The following NAALADL2 variants were observed in gnomAD, a reference collection of about 807,000 sequenced individuals.
NAALADL2 encodes the protein inactive N-acetylated-alpha-linked acidic dipeptidase-like protein 2.
Under a neutral mutation model 87.2 loss-of-function variants are expected in NAALADL2, and 76 were observed. The ratio of observed to expected loss-of-function variants is 0.87; its 90% CI spans 0.72 to 1.05. The LOEUF is 1.05. Among genes scored for constraint, NAALADL2 ranks in the 50% least tolerant of loss-of-function variants. NAALADL2 has a pLI of 0.00. For synonymous variants in NAALADL2, 354 were observed against 331.0 expected (o/e 1.07, Z -0.75); for missense variants, 1,089 against 945.8 (o/e 1.15, Z -1.99).
At chr3:175,679,630 T>A (rs189451870) in intron 11 of NAALADL2, among the ~76,000 whole-genome samples, 1 of 152,288 alleles carries the variant, frequency 6.6e-6, no homozygotes, top group Non-Finnish European at 1.5e-5. Context: ...TCTATAGTTC[T>A]TTTTAGCAAT....
At chr3:174,590,581 A>G (rs1021783236) in intron 2 of NAALADL2, among the ~76,000 whole-genome samples, 23 of 152,172 alleles carry the variant, frequency 1.5e-4, no homozygotes, top group Non-Finnish European at 3.4e-4. Context: ...TCAACAAAAC[A>G]CTATCCACAG....
At chr3:175,626,695 C>A (rs1018823323) in intron 10 of NAALADL2, among the ~76,000 whole-genome samples, 1 of 151,870 alleles carries the variant, frequency 6.6e-6, no homozygotes, top group African/African-American at 2.4e-5. Context: ...CAGTTACATG[C>A]TTCTCCATAT....
intron 1 of NAALADL2, among the ~76,000 whole-genome samples, chr3:175,022,741 CTGGGAA>C (rs1484403589): frequency 6.6e-6 from 1 of 152,076 alleles, no homozygotes; most frequent in Non-Finnish European, 1.5e-5. Flanking sequence ...GAGAGATTGA[CTGGGAA>C]TGTATTGACG....
intron 2 of NAALADL2, among the ~76,000 whole-genome samples, chr3:175,207,132 G>C (rs1381140591): frequency 5.9e-5 from 9 of 152,062 alleles, no homozygotes; most frequent in Non-Finnish European, 1.2e-4. Context: ...AGAGTGTATA[G>C]AACTAAAGGA....
In NAALADL2 at chr3:174,994,643, C is replaced by A. The variant is rs565914862; in HGVS notation, c.44-102147C>A. Among the ~76,000 whole-genome samples, 14 of 151,964 alleles carry A rather than the reference C, an allele frequency of 9.2e-5. No individual in the cohort carries two copies. In the South Asian group the frequency reaches 2.9e-3, roughly 32 times the overall value. On this transcript the variant is annotated intron_variant, in intron 1 of 13. Coordinates refer to ENST00000454872, the MANE Select transcript of NAALADL2 (RefSeq NM_207015.3). ...CAGAGTGTAATAAAATTCAAATGAC[C>A]ACAGAGCAATATGTAAGAGAATAGT...
At chr3:174,444,722 G>C (rs1394233187) in intron 1 of NAALADL2, among the ~76,000 whole-genome samples, 4 of 152,156 alleles carry the variant, frequency 2.6e-5, no homozygotes, top group Non-Finnish European at 5.9e-5. Flanking sequence ...TAAGTACCAA[G>C]TGTGATCAAA....
intron 5 of NAALADL2, among the ~76,000 whole-genome samples, chr3:175,384,628 C>A (rs537152916): frequency 7.9e-5 from 12 of 151,898 alleles, no homozygotes; most frequent in African/African-American, 2.9e-4. Flanking sequence ...TCCACACACC[C>A]ATTGCTAAAT....
At chr3:175,106,590 A>C (rs898783144) in intron 2 of NAALADL2, among the ~76,000 whole-genome samples, 55 of 152,124 alleles carry the variant, frequency 3.6e-4, no homozygotes, top group African/African-American at 1.3e-3. Flanking sequence ...CTGTGGATTC[A>C]TTTGACTTCC....
At chr3:174,708,680 G>A (rs957012011) in intron 2 of NAALADL2, among the ~76,000 whole-genome samples, 2 of 151,986 alleles carry the variant, frequency 1.3e-5, no homozygotes, top group Admixed American at 6.5e-5. Flanking sequence ...AAGAGAAATA[G>A]GATTTGACTT....
rs570277405 is a variant in NAALADL2 at position 174,457,318 on chromosome 3, A to G, written c.-184+16286A>G. Among the ~76,000 whole-genome samples, 13 of 152,344 alleles carry G rather than the reference A, an allele frequency of 8.5e-5. No individual in the cohort carries two copies. In the South Asian group the frequency reaches 2.7e-3, roughly 32 times the overall value. On this transcript the variant is annotated intron_variant, in intron 1 of 3. Transcript: ENST00000434257. ...GGTGATTCCTCAAAGGCTTAAAAAC[A>G]GAAGTACCATTCCTTCCAGCAACCC... is the stretch of plus-strand genomic sequence containing the variant.
chr3:174,570,466 C>CATAAAA (rs1213760941), intron 2 of NAALADL2, among the ~76,000 whole-genome samples: 2 of 152,134 alleles, frequency 1.3e-5, no homozygotes, highest in South Asian at 2.1e-4. Flanking sequence ...ATTTTAAAAT[C>CATAAAA]ATAAAAGTTT....
chr3:175,063,275 A>G (rs924992236), intron 1 of NAALADL2, among the ~76,000 whole-genome samples: 1 of 152,162 alleles, frequency 6.6e-6, no homozygotes, highest in African/African-American at 2.4e-5. Flanking sequence ...TTAGTTAAAT[A>G]GTATTTAAAA....
chr3:174,507,153 A>G (rs73881195), intron 1 of NAALADL2, among the ~76,000 whole-genome samples: 4,776 of 152,190 alleles, frequency 0.031, 238 homozygotes, highest in African/African-American at 0.11. Flanking sequence ...GTTTAATTCT[A>G]TAAGGAATTT....
At chr3:174,878,481 A>G (rs1328532568) in intron 1 of NAALADL2, among the ~76,000 whole-genome samples, 1 of 152,014 alleles carries the variant, frequency 6.6e-6, no homozygotes, top group African/African-American at 2.4e-5. Flanking sequence ...GCAAAAACCT[A>G]CATGTTTTGG....
chr3:175,543,743 T>C (rs1712798763), intron 9 of NAALADL2, among the ~76,000 whole-genome samples: 1 of 152,164 alleles, frequency 6.6e-6, no homozygotes, highest in Non-Finnish European at 1.5e-5. Flanking sequence ...TTATGAGAAC[T>C]ACAATTCAAG....
At chr3:175,592,060 TA>T (rs1721563676) in intron 10 of NAALADL2, among the ~76,000 whole-genome samples, 1 of 151,998 alleles carries the variant, frequency 6.6e-6, no homozygotes, top group Non-Finnish European at 1.5e-5. Flanking sequence ...GACTGCACTA[TA>T]AATGCTATTC....
intron 2 of NAALADL2, among the ~76,000 whole-genome samples, chr3:175,216,672 T>TTTC (rs1742595466): frequency 7.0e-6 from 1 of 142,886 alleles, no homozygotes; most frequent in African/African-American, 2.7e-5. Flanking sequence ...TCTTTTCTTT[T>TTTC]TTTTTTTTTT....
At chr3:174,861,779 A>G (rs570327523) in intron 1 of NAALADL2, among the ~76,000 whole-genome samples, 17 of 152,158 alleles carry the variant, frequency 1.1e-4, no homozygotes, top group African/African-American at 2.6e-4. Flanking sequence ...TATTCATCAC[A>G]GTGCTTTTTC....
intron 5 of NAALADL2, among the ~76,000 whole-genome samples, chr3:175,429,204 C>T (rs1560535930): frequency 8.1e-6 from 1 of 124,008 alleles, no homozygotes; most frequent in African/African-American, 3.0e-5. Flanking sequence ...CACACACACA[C>T]ACACACATAT....
Sources: allele counts gnomAD v4.1 joint callset (sites outside exome capture counted in the v4.1 genomes callset), GRCh38; gene constraint gnomAD v4.1.1; transcripts MANE v1.5; gene names NCBI Gene and HGNC (gene_info 2026-07-23, HGNC 2026-07-21).